The following PCDHA6 variants were observed in gnomAD, a reference collection of about 807,000 sequenced individuals.
PCDHA6 encodes the protein protocadherin alpha 6, also known as protocadherin alpha-6.
Under a neutral mutation model 60.3 loss-of-function variants are expected in PCDHA6, and 55 were observed. The ratio of observed to expected loss-of-function variants is 0.91; its 90% confidence interval spans 0.73 to 1.14. PCDHA6 has a LOEUF of 1.14. Ranked by LOEUF, PCDHA6 falls within the 50% of genes most tolerant of loss-of-function variation. The probability of loss-of-function intolerance (pLI) is 0.00; values close to 1 mark genes in which losing one functional copy is unlikely to be tolerated. For synonymous variants in PCDHA6, 652 were observed against 557.9 expected (o/e 1.17, Z -2.38); for missense variants, 1,327 against 1,256.5 (o/e 1.06, Z -0.85).
rs373471484 is a variant in PCDHA6, at chr5:140,997,017, TA to T, written c.2543-12609del. 5.1e-4 allele frequency among the ~76,000 whole-genome samples: 78 copies of T among 152,304 alleles called. No individual in the cohort carries two copies. The South Asian group carries it at 0.011, about 21-fold the overall frequency. ...TAACAATTTTGTGTGTATCCTCCAA[TA>T]TTTTTTTGAAATTAATGAACTTTAC... On this transcript the variant is annotated intron_variant, in intron 3 of 3. Transcript: ENST00000529310.
At chr5:140,850,903 G>T (rs781893598) in intron 1 of PCDHA6, 1 of 1,560,860 alleles carries the variant, frequency 6.4e-7, no homozygotes, top group Non-Finnish European at 8.7e-7. Context: ...GGTTTTTCTA[G>T]CATTTTATTT....
chr5:140,913,384 C>G (rs1018271300), intron 1 of PCDHA6, among the ~76,000 whole-genome samples: 1 of 152,144 alleles, frequency 6.6e-6, no homozygotes, highest in Non-Finnish European at 1.5e-5. Flanking sequence ...AGTGGCTCAT[C>G]ATAGCCACTA....
At chr5:141,002,273 A>G (rs1040927044) in intron 3 of PCDHA6, among the ~76,000 whole-genome samples, 42 of 152,308 alleles carry the variant, frequency 2.8e-4, no homozygotes, top group African/African-American at 8.9e-4. Context: ...AGAGCTGGTA[A>G]CAAAGGGATG....
chr5:140,978,377 G>A (rs1382683424), intron 1 of PCDHA6, among the ~76,000 whole-genome samples: 3 of 152,212 alleles, frequency 2.0e-5, no homozygotes, highest in Non-Finnish European at 4.4e-5. Context: ...GCAATAGTTT[G>A]TTTTCCTCTC....
At chr5:140,896,012 T>C (rs1554186792) in intron 1 of PCDHA6, among the ~76,000 whole-genome samples, 3 of 152,162 alleles carry the variant, frequency 2.0e-5, no homozygotes, top group African/African-American at 7.2e-5. Context: ...GGTTTCTCCA[T>C]GTTGGCCAGG....
At chr5:140,854,271 A>C in intron 1 of PCDHA6, 5 of 574,086 alleles carry the variant, frequency 8.7e-6, no homozygotes, top group Non-Finnish European at 1.1e-5. Context: ...CATTAGTAGA[A>C]ATTGAGTTTA....
At chr5:140,863,247 C>A (rs782167324) in intron 1 of PCDHA6, 18 of 1,379,648 alleles carry the variant, frequency 1.3e-5, no homozygotes, top group Non-Finnish European at 1.6e-5. Context: ...CTTTGGCGGG[C>A]GTCGAGGTCC....
intron 1 of PCDHA6, among the ~76,000 whole-genome samples, chr5:140,959,469 A>G (rs1180811354): frequency 5.3e-5 from 8 of 152,226 alleles, no homozygotes; most frequent in East Asian, 1.9e-4. Context: ...GTTGGCATCA[A>G]TCAAGGCATA....
chr5:140,883,885 C>T (rs550197512), intron 1 of PCDHA6: 4 of 1,613,260 alleles, frequency 2.5e-6, no homozygotes, highest in East Asian at 4.5e-5. Context: ...GCGCGCGCGA[C>T]TCTGGCGTGC....
chr5:140,850,829 T>C (rs1431549655), intron 1 of PCDHA6: 6 of 1,597,986 alleles, frequency 3.8e-6, no homozygotes, highest in Non-Finnish European at 4.3e-6. Context: ...GCCTTTCTCC[T>C]TGTGCTGGAT....
In PCDHA6 at chr5:140,828,050, G is replaced by C. The variant is rs2150150336; in HGVS notation, c.-42G>C. 3 of 1,545,376 alleles carry C rather than the reference G, an allele frequency of 1.9e-6. No homozygotes were observed. In the Admixed American group the frequency reaches 6.2e-5, roughly 32 times the overall value. ...GGAACATACAGTATTTTATCTTTAT[G>C]CGGAAGATCTTCTAATGGAAATAAA... On this transcript the variant is annotated 5_prime_UTR_variant, in exon 1 of 4. The change abolishes an upstream ATG in the 5' untranslated region. Coordinates refer to ENST00000529310, the MANE Select transcript of PCDHA6 (RefSeq NM_018909.4).
intron 1 of PCDHA6, chr5:140,862,942 G>C (rs75462656): frequency 5.5e-6 from 3 of 542,062 alleles, no homozygotes; most frequent in Admixed American, 3.9e-5. Flanking sequence ...CTGTGAGTGA[G>C]CTGGTGCGGT....
At chr5:140,975,750 CTA>C (rs2096680444) in intron 1 of PCDHA6, among the ~76,000 whole-genome samples, 2 of 152,118 alleles carry the variant, frequency 1.3e-5, no homozygotes, top group African/African-American at 4.8e-5. Flanking sequence ...CTCAAATATT[CTA>C]TGTCATAAAT....
At chr5:140,882,457 G>A (rs781908788) in intron 1 of PCDHA6, 2 of 1,613,938 alleles carry the variant, frequency 1.2e-6, no homozygotes, top group East Asian at 2.2e-5. Flanking sequence ...TGCCGCGCCT[G>A]TTCCGGGTGG....
At chr5:140,835,959 G>T (rs1162944895) in intron 1 of PCDHA6, 12 of 1,612,958 alleles carry the variant, frequency 7.4e-6, no homozygotes, top group Non-Finnish European at 9.3e-6. Context: ...GTTGGACCAC[G>T]AGGAGCTGGA....
chr5:140,900,354 C>T (rs376691648), intron 1 of PCDHA6, among the ~76,000 whole-genome samples: 68 of 151,986 alleles, frequency 4.5e-4, no homozygotes, highest in African/African-American at 1.2e-3. Context: ...CTTGGCTCAC[C>T]GCAACCTCTG....
intron 1 of PCDHA6, chr5:140,966,328 CG>C: frequency 2.5e-6 from 1 of 392,484 alleles, no homozygotes; most frequent in Non-Finnish European, 4.5e-6. Flanking sequence ...CGCTGGGATC[CG>C]GCAGGTCCAG....
Position 140,982,278 on chromosome 5 carries a change from A to G in PCDHA6, c.2454-197A>G, listed in dbSNP as rs997424016. On this transcript the variant is annotated intron_variant, in intron 2 of 3. Transcript: ENST00000529310. ...ATGTGTGTTCCTGGAATAGTATAGC[A>G]GGCAATAAGTAAGTCAGCAATGCTT... 8.2e-6 allele frequency: 8 copies of G among 980,114 alleles called. No homozygotes were observed. In the South Asian group the frequency reaches 1.1e-4, roughly 14 times the overall value. The allele number at this position is 980,114 out of a possible 1,614,324, so 60.7% of individuals were successfully genotyped here.
chr5:140,829,868 A>G lies in PCDHA6; in HGVS notation c.1777A>G (p.Lys593Glu). Reference sequence around the variant, plus strand: ...ACTGGGTGCAGGCCAAGTGGTGGCGAAGGTGCGCGCAGTTGACGCCGACTC... The same window carrying G: ...ACTGGGTGCAGGCCAAGTGGTGGCGGAGGTGCGCGCAGTTGACGCCGACTC... Reference protein sequence around the residue: ...RSLGAGQVVAKVRAVDADSGY... With the variant: ...RSLGAGQVVAEVRAVDADSGY... Residue 593 changes from lysine (K) to glutamate (E), a missense_variant, in exon 1 of 4, where the codon AAG (lysine) becomes GAG (glutamate). Lys to Glu is a moderately conservative substitution (Grantham distance 56, BLOSUM62 1). Coordinates refer to ENST00000529310, the MANE Select transcript of PCDHA6 (RefSeq NM_018909.4). The G allele has an allele frequency of 6.2e-7, 1 of 1,613,886 alleles. No individual in the cohort carries two copies. Among genetic ancestry groups the G allele is most frequent in the East Asian group, 2.2e-5 (1 of 44,860 alleles).
Sources: allele counts gnomAD v4.1 joint callset (sites outside exome capture counted in the v4.1 genomes callset), GRCh38; gene constraint gnomAD v4.1.1; transcripts MANE v1.5; gene names NCBI Gene and HGNC (gene_info 2026-07-23, HGNC 2026-07-21).